H6PD: variants seen among roughly 807,000 people sequenced by gnomAD.
H6PD encodes hexose-6-phosphate dehydrogenase/glucose 1-dehydrogenase, also known as GDH/6PGL endoplasmic bifunctional protein.
In H6PD, 48 loss-of-function variants were observed where a neutral mutation model predicts 61.2. The observed-to-expected ratio is 0.78, with a 90% CI of 0.62 to 1.00. The LOEUF (loss-of-function observed/expected upper bound fraction) is 1.00. H6PD is among the 50% of genes least tolerant of loss of function. The pLI, the probability that H6PD is intolerant of heterozygous loss-of-function variation, is 0.00. For missense variants in H6PD, 1,093 were observed against 1,065.0 expected (o/e 1.03, Z -0.37); for synonymous variants, 480 against 457.9 (o/e 1.05, Z -0.62).
In H6PD at chr1:9,270,452, A is replaced by G. The variant is rs1259522115; in HGVS notation, c.*5583A>G. ...CCTGCATGCAGGAGGAAGGACCTGT[A>G]TTAGCTGGAAATCATCAGGAACCCA... On this transcript the variant is annotated 3_prime_UTR_variant, in exon 5 of 5. Transcript: ENST00000377403. 2.0e-5 allele frequency: 3 copies of G among 152,200 alleles called. No homozygotes were observed. Among genetic ancestry groups the G allele is most frequent in the African/African-American group, 4.8e-5 (2 of 41,454 alleles). 9.4% of individuals were successfully genotyped at this position (152,200 alleles called of 1,614,324 possible).
chr1:9,264,672 C>A lies in H6PD; in HGVS notation c.2179C>A (p.Arg727Ser), dbSNP rs1484938352. 21 of 1,613,140 alleles carry A rather than the reference C, an allele frequency of 1.3e-5. No homozygotes were observed. The East Asian group carries it at 3.3e-4, about 26-fold the overall frequency. The part of the protein sequence containing the change: ...VLTTSPSQPH[R>S]RMSLSLPLIN... Reference sequence around the variant, plus strand: ...GACCACGAGCCCCTCCCAGCCACACCGCCGCATGAGCCTTAGCCTGCCTCT... The same window carrying A: ...GACCACGAGCCCCTCCCAGCCACACAGCCGCATGAGCCTTAGCCTGCCTCT... The change falls in exon 5 of 5, where the codon CGC becomes AGC. Residue 727 changes from arginine to serine, a missense_variant. By Grantham distance (110) the Arg-to-Ser change is moderately radical. Transcript: ENST00000377403.
At position 9,245,963 on chromosome 1, in the gene H6PD, TAGAC is replaced by T. The variant is rs1196178854; in HGVS notation, c.627+406_627+409del. Among the ~76,000 whole-genome samples the T allele has an allele frequency of 6.6e-6, 1 of 151,186 alleles. No individual in the cohort carries two copies. On this transcript the variant is annotated intron_variant, in intron 2 of 4. Coordinates refer to ENST00000377403, the MANE Select transcript of H6PD (RefSeq NM_004285.4). This position sits in a 1 kb window ranked among gnomAD's most constrained non-coding sequence, Gnocchi z 4.8. ...CACCCATCCACCTTTTTTTTTTTTTTAGACAGAGTCTGCTCTGTCACCAGGCTGG... is the reference window on the plus strand; with the variant it reads ...CACCCATCCACCTTTTTTTTTTTTTTAGAGTCTGCTCTGTCACCAGGCTGG...
Position 9,264,282 on chromosome 1 carries a change from G to T in H6PD, c.1789G>T (p.Ala597Ser). 1.2e-6 allele frequency: 2 copies of T among 1,610,540 alleles called. No homozygotes were observed. Among genetic ancestry groups the T allele is most frequent in the Non-Finnish European group, 1.7e-6 (2 of 1,179,562 alleles). Residue 597 changes from alanine (A) to serine (S), a missense_variant, in exon 5 of 5, where the codon GCC (alanine) becomes TCC (serine). By Grantham distance (99) the Ala-to-Ser change is moderately conservative. Coordinates refer to ENST00000377403, the MANE Select transcript of H6PD (RefSeq NM_004285.4). Reference sequence around the variant, plus strand: ...ACTGTCGGGGGGCTCGAGCCCCGTGGCCCTGTTCCAGCAGCTGGCCACGGC... The same window carrying T: ...ACTGTCGGGGGGCTCGAGCCCCGTGTCCCTGTTCCAGCAGCTGGCCACGGC... The part of the protein sequence containing the change: ...LALSGGSSPV[A>S]LFQQLATAHY...
chr1:9,258,887 T>G (rs1014018598), intron 3 of H6PD, among the ~76,000 whole-genome samples: 8 of 152,176 alleles, frequency 5.3e-5, no homozygotes, highest in Non-Finnish European at 7.4e-5. Context: ...TACGCTGGTG[T>G]TGTTATGTTG....
At chr1:9,247,110 TC>T in intron 3 of H6PD, 27 bp downstream of exon 3, 3 of 1,416,358 alleles carry the variant, frequency 2.1e-6, no homozygotes, top group Non-Finnish European at 3.0e-6. Context: ...GCGCACTCGG[TC>T]CCCCAGCCTC....
At chr1:9,240,578 C>T (rs577339401) in intron 1 of H6PD, among the ~76,000 whole-genome samples, 6 of 152,286 alleles carry the variant, frequency 3.9e-5, no homozygotes, top group African/African-American at 1.4e-4. Context: ...AGAGGCAGGG[C>T]GCAGGCAAGA....
intron 1 of H6PD, chr1:9,243,001 C>CA: frequency 1.0e-6 from 1 of 982,304 alleles, no homozygotes; most frequent in Non-Finnish European, 1.2e-6. Context: ...AGGGCAGATA[C>CA]AGGGAGAGTG....
Position 9,264,598 on chromosome 1 carries a change from T to A in H6PD, c.2105T>A (p.Leu702His). ...GMGADGHTAS[L>H]FPQSPTGLDG... is the part of the protein sequence containing the mutation. Reference sequence around the variant, plus strand: ...GGTGCCGACGGGCACACAGCCTCCCTCTTCCCACAGTCACCCACTGGCCTG... The same window carrying A: ...GGTGCCGACGGGCACACAGCCTCCCACTTCCCACAGTCACCCACTGGCCTG... The change falls in exon 5 of 5, where the codon CTC becomes CAC. Residue 702 changes from leucine (L) to histidine (H), a missense_variant. By Grantham distance (99) the Leu-to-His change is moderately conservative. Coordinates refer to ENST00000377403, the MANE Select transcript of H6PD (RefSeq NM_004285.4). 1 of 1,613,252 alleles carries A rather than the reference T, an allele frequency of 6.2e-7. No homozygotes were observed. The highest frequency in any genetic ancestry group is 8.5e-7 in the Non-Finnish European group (1 of 1,179,956).
chr1:9,242,748 C>T (rs1641036006), intron 1 of H6PD: 1 of 985,350 alleles, frequency 1.0e-6, no homozygotes, highest in African/African-American at 1.7e-5. Flanking sequence ...GCCCTGGCTA[C>T]CAGGATCCGA....
Position 9,244,914 on chromosome 1 carries a change from TTGCACCCCA to T in H6PD, c.-10-10_-10-2del, listed in dbSNP as rs2100326097. The T allele has an allele frequency of 6.2e-7, 1 of 1,610,356 alleles. No homozygotes were observed. The highest frequency in any genetic ancestry group is 8.5e-7 in the Non-Finnish European group (1 of 1,177,958). ...TTCCTTGTTCCTCGTCTGTCTCTCT[TTGCACCCCA>T]GGCACCCAGGCATGTGGAATATGCT... On this transcript the variant is annotated splice_acceptor_variant and splice_polypyrimidine_tract_variant and intron_variant, in intron 1 of 4. Coordinates refer to ENST00000377403, the MANE Select transcript of H6PD (RefSeq NM_004285.4). LOFTEE classifies it low-confidence loss of function (5UTR_SPLICE).
chr1:9,240,482 TCCTTTATCTCAC>T (rs1309030030), intron 1 of H6PD, among the ~76,000 whole-genome samples: 1 of 152,066 alleles, frequency 6.6e-6, no homozygotes, highest in Non-Finnish European at 1.5e-5. Context: ...ATCACACAGA[TCCTTTATCTCAC>T]CCTCCCATTT....
Position 9,271,146 on chromosome 1 carries a change from C to CT in H6PD, c.*6278dup, listed in dbSNP as rs1222334303. 1 of 152,152 alleles carries CT rather than the reference C, an allele frequency of 6.6e-6. No individual in the cohort carries two copies. Among genetic ancestry groups the CT allele is most frequent in the Admixed American group, 6.5e-5 (1 of 15,284 alleles). 9.4% of individuals were successfully genotyped at this position (152,152 alleles called of 1,614,324 possible). ...ACGGAGTTTCACCATGTTGGCCAGG[C>CT]TGGTCTCGAACTCCTGACCTCAGGT... On this transcript the variant is annotated 3_prime_UTR_variant, in exon 5 of 5. Coordinates refer to ENST00000377403, the MANE Select transcript of H6PD (RefSeq NM_004285.4).
At chr1:9,243,519 A>G (rs1265983386) in intron 1 of H6PD, among the ~76,000 whole-genome samples, 1 of 152,122 alleles carries the variant, frequency 6.6e-6, no homozygotes, top group Non-Finnish European at 1.5e-5. Context: ...GCCGGCCGTG[A>G]TGACTTTCCC....
chr1:9,241,749 CA>C (rs1225773883), intron 1 of H6PD, among the ~76,000 whole-genome samples: 1 of 152,130 alleles, frequency 6.6e-6, no homozygotes, highest in Non-Finnish European at 1.5e-5. Flanking sequence ...GTCTTGAGCC[CA>C]GGTCCTTGGA....
chr1:9,253,602 G>A (rs764574328), intron 3 of H6PD, among the ~76,000 whole-genome samples: 3 of 152,152 alleles, frequency 2.0e-5, no homozygotes, highest in Non-Finnish European at 2.9e-5. Flanking sequence ...CGATGCTTCC[G>A]CCACTGATGG....
At chr1:9,248,363 A>G (rs1438187410) in intron 3 of H6PD, among the ~76,000 whole-genome samples, 3 of 151,886 alleles carry the variant, frequency 2.0e-5, no homozygotes, top group African/African-American at 7.3e-5. Context: ...CTGAATGTGT[A>G]TTTAGTGCCA....
In H6PD at chr1:9,270,267, A is replaced by T. The variant is rs564190577; in HGVS notation, c.*5398A>T. 6.5e-6 allele frequency: 1 copy of T among 152,710 alleles called. No homozygotes were observed. The highest frequency in any genetic ancestry group is 1.9e-4 in the East Asian group (1 of 5,176). The allele number at this position is 152,710 out of a possible 1,614,324, so 9.5% of individuals were successfully genotyped here. A position where few individuals can be genotyped will look rare whatever the true frequency, so the allele number is the denominator to read the frequency against. ...TTTCTTCCCTTGGTGTGGGAGAGGT[A>T]AACACTTTGATTTGCTGAAAGCTGT... On this transcript the variant is annotated 3_prime_UTR_variant, in exon 5 of 5. Coordinates refer to ENST00000377403, the MANE Select transcript of H6PD (RefSeq NM_004285.4).
Position 9,262,136 on chromosome 1 carries a change from G to C in H6PD, c.823G>C (p.Val275Leu), listed in dbSNP as rs757364852. 6.2e-7 allele frequency: 1 copy of C among 1,614,196 alleles called. No homozygotes were observed. The highest frequency in any genetic ancestry group is 1.3e-5 in the African/African-American group (1 of 75,054). Residue 275 changes from valine (V) to leucine (L), a missense_variant, in exon 4 of 5, where the codon GTG (valine) becomes CTG (leucine). By Grantham distance (32) the Val-to-Leu change is conservative. Coordinates refer to ENST00000377403, the MANE Select transcript of H6PD (RefSeq NM_004285.4). ...CCATCTGACGGAGGTCCTCACCCTCGTGGCCATGGAGCTGCCCCACAATGT... is the reference window on the plus strand; with the variant it reads ...CCATCTGACGGAGGTCCTCACCCTCCTGGCCATGGAGCTGCCCCACAATGT... ...QNHLTEVLTL[V>L]AMELPHNVSS...
rs374238355 is a variant in H6PD, at chr1:9,242,868, TC to T, written c.-10-2055del. On this transcript the variant is annotated intron_variant, in intron 1 of 4. Transcript: ENST00000377403. ...TCTCCTGCACTGACCTTGCAGCTTC[TC>T]CTTCTCTCCAGACGAGCGATTGCCG... The T allele has an allele frequency of 3.4e-4, 332 of 985,428 alleles. 1 individual carries two copies. In the African/African-American group the frequency reaches 4.7e-3, roughly 14 times the overall value. 61.0% of individuals were successfully genotyped at this position (985,428 alleles called of 1,614,324 possible).
Sources: gnomAD v4.1 joint callset for allele counts (sites outside exome capture counted in the v4.1 genomes callset) on GRCh38, gnomAD v4.1.1 for gene constraint, Gnocchi (gnomAD v3.1) non-coding constraint, MANE v1.5 for transcripts, NCBI Gene and HGNC (gene_info 2026-07-23, HGNC 2026-07-21) for gene names.